The following ZSWIM5 variants were observed in gnomAD, a reference collection of about 807,000 sequenced individuals.
ZSWIM5 encodes the protein zinc finger SWIM-type containing 5, also known as zinc finger SWIM domain-containing protein 5.
ZSWIM5 carries 55 observed loss-of-function variants against 119.6 expected under a neutral mutation model. That is an observed-to-expected ratio of 0.46 (90% CI 0.37 to 0.58). The LOEUF is 0.58. ZSWIM5 is among the 20% of genes least tolerant of loss of function. The pLI, the probability that ZSWIM5 is intolerant of heterozygous loss-of-function variation, is 0.00. For missense variants in ZSWIM5, 1,193 were observed against 1,512.8 expected, an observed-to-expected ratio of 0.79 and a Z score of 3.51; for synonymous variants, 537 against 606.9, an observed-to-expected ratio of 0.88 and a Z score of 1.69.
chr1:45,103,052 A>G (rs980164772), intron 1 of ZSWIM5, among the ~76,000 whole-genome samples: 1 of 151,934 alleles, frequency 6.6e-6, no homozygotes, highest in Non-Finnish European at 1.5e-5. Flanking sequence ...TAATGTTTGT[A>G]GAGATGAGTC....
chr1:45,058,761 T>C lies in ZSWIM5; in HGVS notation c.1102-2A>G. The C allele has an allele frequency of 6.2e-7, 1 of 1,613,860 alleles. No individual in the cohort carries two copies. On this transcript the variant is annotated splice_acceptor_variant, in intron 3 of 13. Coordinates refer to ENST00000359600, the MANE Select transcript of ZSWIM5 (RefSeq NM_020883.2). LOFTEE classifies it high-confidence loss of function. ...TCTCATCCGCAGCATTTCTCGAACC[T>C]GACACATAAGAAGTGGCAAGGGATT...
chr1:45,169,901 T>C (rs968410617), intron 1 of ZSWIM5, among the ~76,000 whole-genome samples: 5 of 152,116 alleles, frequency 3.3e-5, no homozygotes, highest in African/African-American at 7.2e-5. Context: ...ATACTAGTTA[T>C]GAAACATCAT....
chr1:45,081,540 T>C (rs1382536471), intron 2 of ZSWIM5, among the ~76,000 whole-genome samples: 1 of 152,238 alleles, frequency 6.6e-6, no homozygotes, highest in African/African-American at 2.4e-5. Context: ...CTCCAGCTCC[T>C]AACCGCGAGT....
At chr1:45,044,647 C>G in intron 5 of ZSWIM5, among the ~76,000 whole-genome samples, 1 of 126,790 alleles carries the variant, frequency 7.9e-6, no homozygotes, top group African/African-American at 3.0e-5. Flanking sequence ...TGGCGTGAAC[C>G]CGGAAGGCGG....
chr1:45,068,843 C>T (rs1451683519), intron 2 of ZSWIM5, among the ~76,000 whole-genome samples: 1 of 116,188 alleles, frequency 8.6e-6, no homozygotes, highest in Non-Finnish European at 1.6e-5. Flanking sequence ...CTTTGTCTTC[C>T]AGGCTGGAGT....
chr1:45,020,601 G>A (rs750665726), intron 12 of ZSWIM5, 24 bp downstream of exon 12: 64 of 1,610,326 alleles, frequency 4.0e-5, no homozygotes, highest in South Asian at 2.1e-4. Context: ...TCTAAACTGT[G>A]GATGGCCTAC....
chr1:45,147,403 T>A (rs1478337419), intron 1 of ZSWIM5, among the ~76,000 whole-genome samples: 9 of 152,152 alleles, frequency 5.9e-5, no homozygotes, highest in African/African-American at 1.9e-4. Flanking sequence ...TCCCTCCAAT[T>A]ACCACAAAGG....
chr1:45,057,960 G>A lies in ZSWIM5; in HGVS notation c.1252+649C>T, dbSNP rs1482953152. Reference sequence around the variant, plus strand: ...GGAATGAAAGAAAAATGAGTGCTTAGCAATAAGTTTGGTAAAGTAAGGAAT... The same window carrying A: ...GGAATGAAAGAAAAATGAGTGCTTAACAATAAGTTTGGTAAAGTAAGGAAT... On this transcript the variant is annotated intron_variant, in intron 4 of 13. Transcript: ENST00000359600. This position sits in a 1 kb window ranked among gnomAD's most constrained non-coding sequence, Gnocchi z 4.7. 6.6e-6 allele frequency among the ~76,000 whole-genome samples: 1 copy of A among 152,186 alleles called. No individual in the cohort carries two copies. Among genetic ancestry groups the A allele is most frequent in the East Asian group, 1.9e-4 (1 of 5,194 alleles).
Position 45,018,398 on chromosome 1 carries a change from C to T in ZSWIM5, c.*56G>A. 7 of 1,579,750 alleles carry T rather than the reference C, an allele frequency of 4.4e-6. No homozygotes were observed. The highest frequency in any genetic ancestry group is 6.0e-6 in the Non-Finnish European group (7 of 1,163,348). ...GGACAAATGTTTCAGTGCCCTTGGCCTGACCTGATACTACCTGGGAACCCA... is the reference window on the plus strand; with the variant it reads ...GGACAAATGTTTCAGTGCCCTTGGCTTGACCTGATACTACCTGGGAACCCA... On this transcript the variant is annotated 3_prime_UTR_variant, in exon 14 of 14. Transcript: ENST00000359600. This position sits in a 1 kb window ranked among gnomAD's most constrained non-coding sequence, Gnocchi z 6.7.
chr1:45,075,327 C>T (rs1472479646), intron 2 of ZSWIM5, among the ~76,000 whole-genome samples: 1 of 150,230 alleles, frequency 6.7e-6, no homozygotes. Flanking sequence ...CCAGCTATTA[C>T]TACACTGAGG....
At chr1:45,025,238 A>T (rs761498666) in intron 11 of ZSWIM5, among the ~76,000 whole-genome samples, 3 of 152,164 alleles carry the variant, frequency 2.0e-5, no homozygotes, top group Admixed American at 6.5e-5. Flanking sequence ...TATTATAGTA[A>T]GTGTTTCCAT....
At chr1:45,180,082 C>T (rs1646006368) in intron 1 of ZSWIM5, among the ~76,000 whole-genome samples, 2 of 152,110 alleles carry the variant, frequency 1.3e-5, no homozygotes, top group South Asian at 4.1e-4. Context: ...ATAGTGGGCA[C>T]AGGACAGTGG....
chr1:45,097,980 T>A (rs1416533638), intron 1 of ZSWIM5, among the ~76,000 whole-genome samples: 1 of 152,160 alleles, frequency 6.6e-6, no homozygotes, highest in African/African-American at 2.4e-5. Context: ...GGGATGAGTT[T>A]TTGAGGAAAT....
At chr1:45,105,715 C>G (rs866044737) in intron 1 of ZSWIM5, among the ~76,000 whole-genome samples, 1 of 142,946 alleles carries the variant, frequency 7.0e-6, no homozygotes, top group Non-Finnish European at 1.5e-5. Flanking sequence ...TGGCTGCCCC[C>G]GTCGGGGAAG....
At chr1:45,076,585 G>A (rs1046617961) in intron 2 of ZSWIM5, among the ~76,000 whole-genome samples, 5 of 152,088 alleles carry the variant, frequency 3.3e-5, no homozygotes, top group South Asian at 4.2e-4. Context: ...AGTCTTCTTT[G>A]GGTTAAATAT....
intron 1 of ZSWIM5, among the ~76,000 whole-genome samples, chr1:45,104,023 A>G (rs755651362): frequency 4.5e-4 from 69 of 152,214 alleles, no homozygotes; most frequent in Non-Finnish European, 7.8e-4. Flanking sequence ...GTTAAAAAGG[A>G]TATGCAAATA....
chr1:45,188,303 G>C (rs1267321745), intron 1 of ZSWIM5, among the ~76,000 whole-genome samples: 1 of 152,118 alleles, frequency 6.6e-6, no homozygotes, highest in African/African-American at 2.4e-5. Flanking sequence ...CACATTTATG[G>C]ACCTTTAAAA....
intron 1 of ZSWIM5, among the ~76,000 whole-genome samples, chr1:45,201,781 G>A (rs1485260318): frequency 6.6e-6 from 1 of 152,114 alleles, no homozygotes; most frequent in Non-Finnish European, 1.5e-5. Context: ...ACACAAAATA[G>A]ATGGTTAAAC....
In ZSWIM5 at chr1:45,024,725, G is replaced by C. The variant is rs191046075; in HGVS notation, c.2450-3937C>G. 4.5e-4 allele frequency among the ~76,000 whole-genome samples: 68 copies of C among 152,074 alleles called. 2 individuals are homozygous for C. Among genetic ancestry groups the C allele is most frequent in the African/African-American group, 1.6e-3 (67 of 41,448 alleles). ...GCTGGAGTGCAATGGTGCGATCTTG[G>C]CTAACTGCAACCTCCGCCTCCTGGG... On this transcript the variant is annotated intron_variant, in intron 11 of 13. Coordinates refer to ENST00000359600, the MANE Select transcript of ZSWIM5 (RefSeq NM_020883.2).
Sources: allele counts gnomAD v4.1 joint callset (sites outside exome capture counted in the v4.1 genomes callset), GRCh38; gene constraint gnomAD v4.1.1; non-coding constraint Gnocchi (gnomAD v3.1); transcripts MANE v1.5; gene names NCBI Gene and HGNC (gene_info 2026-07-23, HGNC 2026-07-21).